PRKAR1B: variants seen among roughly 807,000 people sequenced by gnomAD.
The protein encoded by PRKAR1B is protein kinase cAMP-dependent type I regulatory subunit beta, also known as cAMP-dependent protein kinase type I-beta regulatory subunit.
Under a neutral mutation model 46.5 loss-of-function variants are expected in PRKAR1B, and 22 were observed. That is an observed-to-expected ratio of 0.47 (90% CI 0.34 to 0.68). The LOEUF is 0.68. Among genes scored for constraint, PRKAR1B ranks in the 30% least tolerant of loss-of-function variants. The pLI is 0.01. For missense variants in PRKAR1B, 445 were observed against 535.6 expected (o/e 0.83, Z 1.67); for synonymous variants, 259 against 217.7 (o/e 1.19, Z -1.67).
intron 10 of PRKAR1B, among the ~76,000 whole-genome samples, chr7:550,876 C>T (rs1262164376): frequency 6.6e-6 from 1 of 151,974 alleles, no homozygotes; most frequent in East Asian, 1.9e-4. Context: ...CAGGTGTGCC[C>T]AGGCCTCCCT....
chr7:677,110 C>A, intron 4 of PRKAR1B, 119 bp downstream of exon 4: 1 of 969,578 alleles, frequency 1.0e-6, no homozygotes, highest in South Asian at 1.4e-5. Context: ...CGGGGGCTGC[C>A]CACCTCCTGG....
At chr7:711,823 G>A (rs1042765011) in intron 1 of PRKAR1B, among the ~76,000 whole-genome samples, 1 of 151,926 alleles carries the variant, frequency 6.6e-6, no homozygotes, top group Non-Finnish European at 1.5e-5. Context: ...CAGTTCTGAG[G>A]ATTCCGGGTG....
At chr7:642,982 G>A (rs899301518) in intron 4 of PRKAR1B, among the ~76,000 whole-genome samples, 38 of 151,468 alleles carry the variant, frequency 2.5e-4, no homozygotes, top group Admixed American at 1.2e-3. Flanking sequence ...AGGATGGATG[G>A]TGCTAACCCC....
chr7:663,910 G>A (rs1562598620), intron 4 of PRKAR1B, among the ~76,000 whole-genome samples: 1 of 152,250 alleles, frequency 6.6e-6, no homozygotes, highest in East Asian at 1.9e-4. Flanking sequence ...GGCGTGCAGG[G>A]CCTGGTCTCA....
chr7:717,858 C>CCCT (rs1000020798), intron 1 of PRKAR1B, among the ~76,000 whole-genome samples: 21 of 152,052 alleles, frequency 1.4e-4, no homozygotes, highest in Admixed American at 8.5e-4. Flanking sequence ...TTGTGGGGTA[C>CCCT]CCTCCCCTTG....
chr7:673,847 A>G (rs897746083), intron 4 of PRKAR1B, among the ~76,000 whole-genome samples: 2 of 152,172 alleles, frequency 1.3e-5, no homozygotes, highest in Admixed American at 1.3e-4. Context: ...GCAGGTGGAA[A>G]TCAAGGTGCC....
chr7:682,348 G>A (rs968710015), intron 2 of PRKAR1B, among the ~76,000 whole-genome samples: 13 of 152,104 alleles, frequency 8.5e-5, no homozygotes. Flanking sequence ...GTGGCTTCTG[G>A]CCGGGTGTGG....
At chr7:656,243 T>C (rs1017714125) in intron 4 of PRKAR1B, among the ~76,000 whole-genome samples, 1 of 151,950 alleles carries the variant, frequency 6.6e-6, no homozygotes, top group Non-Finnish European at 1.5e-5. Flanking sequence ...GATGGATAAA[T>C]AGGTGAATTA....
At position 551,027 on chromosome 7, in the gene PRKAR1B, G is replaced by A. The variant is rs138621973; in HGVS notation, c.973+362C>T. On this transcript the variant is annotated intron_variant, in intron 10 of 10. Coordinates refer to ENST00000537384, the MANE Select transcript of PRKAR1B (RefSeq NM_001164760.2). Reference sequence around the variant, plus strand: ...CCCCCAGCTGCAGGAATGCCCAGGTGCACCCAGGTAGGCCTGGGCCTCCCT... The same window carrying A: ...CCCCCAGCTGCAGGAATGCCCAGGTACACCCAGGTAGGCCTGGGCCTCCCT... Among the ~76,000 whole-genome samples, 58 of 150,758 alleles carry A rather than the reference G, an allele frequency of 3.8e-4. 1 individual carries two copies. The East Asian group carries it at 0.01, about 26-fold the overall frequency.
At chr7:622,150 T>A (rs1028506653) in intron 4 of PRKAR1B, among the ~76,000 whole-genome samples, 2 of 152,246 alleles carry the variant, frequency 1.3e-5, no homozygotes, top group African/African-American at 4.8e-5. Flanking sequence ...AGAAACCTGC[T>A]GAAGCAAACA....
chr7:621,704 C>T (rs1490369442), intron 4 of PRKAR1B, among the ~76,000 whole-genome samples: 1 of 152,240 alleles, frequency 6.6e-6, no homozygotes, highest in African/African-American at 2.4e-5. Flanking sequence ...CTGGCCATCA[C>T]CTCATCATGT....
At chr7:551,315 C>T in intron 10 of PRKAR1B, 74 bp downstream of exon 10, 1 of 1,434,986 alleles carries the variant, frequency 7.0e-7, no homozygotes, top group Non-Finnish European at 9.6e-7. Flanking sequence ...CAGCTCCTCA[C>T]CTCCAGGCCC....
chr7:565,040 T>C (rs28699457), intron 9 of PRKAR1B: 34,127 of 152,174 alleles, frequency 0.22, 3,986 homozygotes, highest in Non-Finnish European at 0.25. Flanking sequence ...TGATTGGAAC[T>C]TGCACAGCCA....
chr7:657,702 CTTTG>C (rs1160467546), intron 4 of PRKAR1B, among the ~76,000 whole-genome samples: 1 of 152,186 alleles, frequency 6.6e-6, no homozygotes, highest in Non-Finnish European at 1.5e-5. Context: ...CAAAGCACAT[CTTTG>C]TTTGTGGGAC....
chr7:693,320 A>G (rs192962740), intron 2 of PRKAR1B, among the ~76,000 whole-genome samples: 5,005 of 150,854 alleles, frequency 0.033, 309 homozygotes, highest in African/African-American at 0.12. Context: ...CAATTCAGCC[A>G]CGTCGACACA....
intron 9 of PRKAR1B, among the ~76,000 whole-genome samples, chr7:571,035 C>G (rs1434752980): frequency 1.3e-5 from 2 of 152,238 alleles, no homozygotes; most frequent in African/African-American, 4.8e-5. Flanking sequence ...GGGACCGGAG[C>G]TGATGCCTGG....
chr7:639,145 G>A (rs1027370529), intron 4 of PRKAR1B, among the ~76,000 whole-genome samples: 2 of 152,148 alleles, frequency 1.3e-5, no homozygotes, highest in African/African-American at 2.4e-5. Context: ...GGAAATAGCC[G>A]AGACAGTTTT....
At chr7:679,052 C>T (rs906709467) in intron 3 of PRKAR1B, among the ~76,000 whole-genome samples, 4 of 152,232 alleles carry the variant, frequency 2.6e-5, no homozygotes, top group Admixed American at 6.5e-5. Flanking sequence ...CATGCCATTG[C>T]ACTCCAGCCT....
chr7:566,361 ATAT>A (rs1779134640), intron 9 of PRKAR1B, among the ~76,000 whole-genome samples: 1 of 24,804 alleles, frequency 4.0e-5, no homozygotes, highest in Admixed American at 4.2e-4. Flanking sequence ...CATCATCACC[ATAT>A]TCACCATTTC....
Sources: gnomAD v4.1 joint callset for allele counts (sites outside exome capture counted in the v4.1 genomes callset) on GRCh38, gnomAD v4.1.1 for gene constraint, MANE v1.5 for transcripts, NCBI Gene and HGNC (gene_info 2026-07-23, HGNC 2026-07-21) for gene names.